The following PLXNA4 variants were observed in gnomAD, a reference collection of about 807,000 sequenced individuals.
PLXNA4 encodes the protein plexin-A4.
Under a neutral mutation model 191.8 loss-of-function variants are expected in PLXNA4, and 44 were observed. The ratio of observed to expected loss-of-function variants is 0.23; its 90% CI spans 0.18 to 0.29. The LOEUF (loss-of-function observed/expected upper bound fraction) is 0.29. Among genes scored for constraint, PLXNA4 ranks in the 10% least tolerant of loss-of-function variants. The pLI is 1.00. For synonymous variants in PLXNA4, 1,082 were observed against 1,009.5 expected, an observed-to-expected ratio of 1.07 and a Z score of -1.36; for missense variants, 1,800 against 2,488.8, an observed-to-expected ratio of 0.72 and a Z score of 5.89.
chr7:132,220,644 C>T (rs1030584740), intron 9 of PLXNA4, among the ~76,000 whole-genome samples: 10 of 151,814 alleles, frequency 6.6e-5, no homozygotes, highest in African/African-American at 1.2e-4. Context: ...TTCTCCGGGG[C>T]CCTGGCATCC....
chr7:132,631,520 A>C (rs1237219344), intron 2 of PLXNA4, among the ~76,000 whole-genome samples: 1 of 152,158 alleles, frequency 6.6e-6, no homozygotes, highest in Non-Finnish European at 1.5e-5. Flanking sequence ...CAAGCTCTAG[A>C]GGGAGGAATG....
chr7:132,287,607 G>A lies in PLXNA4; in HGVS notation c.1503+10484C>T, dbSNP rs141537908. Reference sequence around the variant, plus strand: ...ATCCTGCACATGCTTATACTTTCTGGTCACCCCCATGGTCTGTCTGAGAGA... The same window carrying A: ...ATCCTGCACATGCTTATACTTTCTGATCACCCCCATGGTCTGTCTGAGAGA... On this transcript the variant is annotated intron_variant, in intron 4 of 31. Coordinates refer to ENST00000321063, the MANE Select transcript of PLXNA4 (RefSeq NM_020911.2). Among the ~76,000 whole-genome samples, 9 of 152,214 alleles carry A rather than the reference G, an allele frequency of 5.9e-5. No individual in the cohort carries two copies. In the East Asian group the frequency reaches 1.5e-3, roughly 26 times the overall value.
intron 4 of PLXNA4, among the ~76,000 whole-genome samples, chr7:132,248,969 T>G (rs1031554891): frequency 1.3e-5 from 2 of 152,220 alleles, no homozygotes; most frequent in African/African-American, 4.8e-5. Context: ...TGGGCCTCAC[T>G]TGACGGCAGA....
At chr7:132,383,105 G>A (rs1312024861) in intron 3 of PLXNA4, among the ~76,000 whole-genome samples, 1 of 152,098 alleles carries the variant, frequency 6.6e-6, no homozygotes, top group African/African-American at 2.4e-5. Context: ...CCCAGCAGTG[G>A]GGAAAGGCTC....
chr7:132,638,880 C>T (rs1476770903), intron 2 of PLXNA4, among the ~76,000 whole-genome samples: 1 of 152,124 alleles, frequency 6.6e-6, no homozygotes. Flanking sequence ...TGACATTCAA[C>T]GTACAAAGAG....
intron 1 of PLXNA4, among the ~76,000 whole-genome samples, chr7:132,569,388 G>A (rs1801875148): frequency 6.6e-6 from 1 of 152,142 alleles, no homozygotes; most frequent in South Asian, 2.1e-4. Flanking sequence ...TACTTTCTAG[G>A]GAACCCAGGC....
At chr7:132,224,695 C>T (rs1436652587) in intron 8 of PLXNA4, among the ~76,000 whole-genome samples, 1 of 152,156 alleles carries the variant, frequency 6.6e-6, no homozygotes, top group Non-Finnish European at 1.5e-5. Context: ...GATTAGGCCA[C>T]CGAGTGGTAA....
intron 3 of PLXNA4, among the ~76,000 whole-genome samples, chr7:132,299,966 G>T (rs1194260296): frequency 1.3e-5 from 2 of 152,210 alleles, no homozygotes; most frequent in Non-Finnish European, 2.9e-5. Flanking sequence ...TGGAACCAGG[G>T]CAGGTCAAAC....
chr7:132,356,652 C>G (rs1477829773), intron 3 of PLXNA4, among the ~76,000 whole-genome samples: 1 of 152,212 alleles, frequency 6.6e-6, no homozygotes, highest in African/African-American at 2.4e-5. Flanking sequence ...TGGACCTAAC[C>G]ATGCCAGAAC....
In PLXNA4 at chr7:132,642,516, C is replaced by T. The variant is rs537010391; in HGVS notation, c.-87+3412G>A. Among the ~76,000 whole-genome samples the T allele has an allele frequency of 3.3e-5, 5 of 151,800 alleles. No individual in the cohort carries two copies. The East Asian group carries it at 9.8e-4, about 30-fold the overall frequency. ...GAAGGGATATTCCAAGGAGAAGGAA[C>T]AGCATGCACAGGGGCCTGGAGAGAG... On this transcript the variant is annotated intron_variant, in intron 2 of 4. Coordinates refer to the PLXNA4 transcript ENST00000378539.
At chr7:132,559,413 T>A (rs1800935453) in intron 1 of PLXNA4, among the ~76,000 whole-genome samples, 1 of 152,160 alleles carries the variant, frequency 6.6e-6, no homozygotes, top group Admixed American at 6.5e-5. Context: ...ATCCATCGTT[T>A]CACTTGATGT....
intron 3 of PLXNA4, among the ~76,000 whole-genome samples, chr7:132,334,252 C>CT (rs71529758): frequency 0.067 from 5,054 of 75,542 alleles, 317 homozygotes; most frequent in African/African-American, 0.1. Flanking sequence ...TTCTTTCTTT[C>CT]TTTTTTTTTT....
intron 3 of PLXNA4, among the ~76,000 whole-genome samples, chr7:132,321,670 C>T (rs1038984129): frequency 6.6e-6 from 1 of 152,146 alleles, no homozygotes; most frequent in Non-Finnish European, 1.5e-5. Context: ...GAGGGAGCCC[C>T]GGGGGACACG....
intron 4 of PLXNA4, among the ~76,000 whole-genome samples, chr7:132,256,445 C>A (rs905470369): frequency 1.3e-5 from 2 of 152,056 alleles, no homozygotes; most frequent in Non-Finnish European, 2.9e-5. Flanking sequence ...TGTGTGCCTC[C>A]CCAGGCAAGT....
intron 13 of PLXNA4, among the ~76,000 whole-genome samples, chr7:132,197,351 G>A (rs1797283465): frequency 6.6e-6 from 1 of 152,126 alleles, no homozygotes; most frequent in African/African-American, 2.4e-5. Context: ...TACTAAATTT[G>A]TATGCATTAG....
chr7:132,238,846 T>C (rs1436504516), intron 5 of PLXNA4, among the ~76,000 whole-genome samples: 1 of 152,000 alleles, frequency 6.6e-6, no homozygotes, highest in Non-Finnish European at 1.5e-5. Context: ...TCACAGTCCT[T>C]CCCCAGCCTT....
At chr7:132,638,329 T>A (rs1286910107) in intron 2 of PLXNA4, among the ~76,000 whole-genome samples, 1 of 152,110 alleles carries the variant, frequency 6.6e-6, no homozygotes, top group Non-Finnish European at 1.5e-5. Context: ...GAAGACTAAG[T>A]GAGACAATCT....
chr7:132,220,810 CT>C (rs35090579), intron 9 of PLXNA4, among the ~76,000 whole-genome samples: 31,763 of 100,682 alleles, frequency 0.32, 3,906 homozygotes, highest in South Asian at 0.48. Context: ...TTATTTTATT[CT>C]TTTTTTTTTT....
chr7:132,381,483 T>C (rs988844208), intron 3 of PLXNA4, among the ~76,000 whole-genome samples: 11 of 152,234 alleles, frequency 7.2e-5, no homozygotes, highest in Non-Finnish European at 1.6e-4. Context: ...TATACTTAAG[T>C]GTGTAGTGCA....
Sources: allele counts gnomAD v4.1 joint callset (sites outside exome capture counted in the v4.1 genomes callset), GRCh38; gene constraint gnomAD v4.1.1; transcripts MANE v1.5; gene names NCBI Gene and HGNC (gene_info 2026-07-23, HGNC 2026-07-21).